The following NELL1 variants were observed in gnomAD, a reference collection of about 807,000 sequenced individuals.
NELL1 encodes protein kinase C-binding protein NELL1.
Under a neutral mutation model 107.4 loss-of-function variants are expected in NELL1, and 76 were observed. The ratio of observed to expected loss-of-function variants is 0.71; its 90% CI spans 0.59 to 0.86. NELL1 has a LOEUF of 0.86. Among genes scored for constraint, NELL1 ranks in the 40% least tolerant of loss-of-function variants. The pLI, the probability that NELL1 is intolerant of heterozygous loss-of-function variation, is 0.00. For missense variants in NELL1, 1,024 were observed against 1,005.5 expected (o/e 1.02, Z -0.25); for synonymous variants, 353 against 341.2 (o/e 1.03, Z -0.38).
At chr11:21,029,249 A>G (rs192534628) in intron 12 of NELL1, among the ~76,000 whole-genome samples, 7 of 152,320 alleles carry the variant, frequency 4.6e-5, no homozygotes, top group African/African-American at 1.7e-4. Flanking sequence ...TTCTTAGGCC[A>G]TATTTAGTTC....
intron 2 of NELL1, among the ~76,000 whole-genome samples, chr11:20,747,614 C>A (rs1393119252): frequency 6.6e-6 from 1 of 152,190 alleles, no homozygotes; most frequent in Admixed American, 6.5e-5. Flanking sequence ...ACCCTTATCA[C>A]CTAGTCACTT....
At chr11:20,962,150 C>A (rs1013951254) in intron 12 of NELL1, among the ~76,000 whole-genome samples, 1 of 151,836 alleles carries the variant, frequency 6.6e-6, no homozygotes, top group Admixed American at 6.6e-5. Flanking sequence ...TGCTTATGAA[C>A]CTTTTCATCT....
chr11:20,672,969 A>C (rs1420671678), intron 1 of NELL1, among the ~76,000 whole-genome samples: 26 of 28,792 alleles, frequency 9.0e-4, no homozygotes, highest in Admixed American at 1.4e-3. Flanking sequence ...CTCCTGCCTC[A>C]GCCCCCCCCC....
chr11:21,209,661 G>C (rs1857459971), intron 13 of NELL1, among the ~76,000 whole-genome samples: 1 of 151,992 alleles, frequency 6.6e-6, no homozygotes, highest in Non-Finnish European at 1.5e-5. Flanking sequence ...TATCTTAAGT[G>C]TATTTTCAGA....
chr11:20,853,199 C>T (rs76562138), intron 4 of NELL1, among the ~76,000 whole-genome samples: 4,580 of 152,052 alleles, frequency 0.03, 86 homozygotes, highest in Middle Eastern at 0.055. Flanking sequence ...TAAGTAGTAT[C>T]GAGTTGGTAG....
chr11:20,816,572 G>T (rs1329717422), intron 3 of NELL1, among the ~76,000 whole-genome samples: 1 of 152,030 alleles, frequency 6.6e-6, no homozygotes, highest in Non-Finnish European at 1.5e-5. Context: ...TTCTAGGTAT[G>T]GAATCGTGTT....
At chr11:20,846,498 G>A (rs76445802) in intron 3 of NELL1, among the ~76,000 whole-genome samples, 3,453 of 152,146 alleles carry the variant, frequency 0.023, 120 homozygotes, top group African/African-American at 0.08. Context: ...TAGGCTAATC[G>A]CTCTGGAGTT....
intron 14 of NELL1, among the ~76,000 whole-genome samples, chr11:21,353,566 T>C (rs1317722241): frequency 6.6e-6 from 1 of 152,204 alleles, no homozygotes; most frequent in East Asian, 1.9e-4. Flanking sequence ...GCCCATGTTG[T>C]AGATGAGATA....
intron 2 of NELL1, among the ~76,000 whole-genome samples, chr11:20,681,269 A>G (rs1030200939): frequency 1.3e-5 from 2 of 152,124 alleles, no homozygotes; most frequent in African/African-American, 2.4e-5. Flanking sequence ...ATAAATAGCA[A>G]GAAGAAATCA....
chr11:21,139,869 C>T (rs1253064646), intron 13 of NELL1, among the ~76,000 whole-genome samples: 3 of 152,162 alleles, frequency 2.0e-5, no homozygotes, highest in African/African-American at 7.2e-5. Flanking sequence ...GGCACAGCAA[C>T]ACAAGGATGT....
intron 7 of NELL1, chr11:20,927,092 A>G: frequency 3.9e-6 from 2 of 507,480 alleles, no homozygotes; most frequent in Admixed American, 3.9e-5. Flanking sequence ...TTTGGTATTC[A>G]TTAGACCATG....
rs117800835 is a variant in NELL1, at chr11:21,144,122, A to G, written c.1426+30408A>G. Among the ~76,000 whole-genome samples, 1,447 of 152,288 alleles carry G rather than the reference A, an allele frequency of 9.5e-3. 63 individuals carry two copies. The East Asian group carries it at 0.11, about 12-fold the overall frequency. On this transcript the variant is annotated intron_variant, in intron 13 of 19. Coordinates refer to ENST00000357134, the MANE Select transcript of NELL1 (RefSeq NM_006157.5). ...ACGATGGTGGAGCATTAGTTTCTGG[A>G]GAGTTTCTGGGGAGAAGGTGTTAGT...
intron 13 of NELL1, among the ~76,000 whole-genome samples, chr11:21,164,357 A>T (rs1176734031): frequency 6.6e-6 from 1 of 152,200 alleles, no homozygotes; most frequent in African/African-American, 2.4e-5. Flanking sequence ...AGAAGAAGTT[A>T]GTGGAATACC....
chr11:20,824,154 A>G (rs1857821824), intron 3 of NELL1, among the ~76,000 whole-genome samples: 1 of 151,100 alleles, frequency 6.6e-6, no homozygotes, highest in Non-Finnish European at 1.5e-5. Flanking sequence ...CTGGCTTTAT[A>G]AGGGGCTTTC....
chr11:21,466,787 T>A (rs1423520369), intron 15 of NELL1, among the ~76,000 whole-genome samples: 1 of 151,850 alleles, frequency 6.6e-6, no homozygotes. Flanking sequence ...TTGTAGTGAC[T>A]AGTGGGGGTA....
At chr11:21,133,922 C>T (rs997084710) in intron 13 of NELL1, among the ~76,000 whole-genome samples, 1 of 152,240 alleles carries the variant, frequency 6.6e-6, no homozygotes, top group Non-Finnish European at 1.5e-5. Flanking sequence ...TCTGCCTGTT[C>T]CCAGCTCTTG....
At chr11:21,331,380 A>G (rs1177493179) in intron 14 of NELL1, among the ~76,000 whole-genome samples, 3 of 151,586 alleles carry the variant, frequency 2.0e-5, no homozygotes, top group Non-Finnish European at 4.4e-5. Context: ...ATTTGTTTGC[A>G]TGCTTATTTG....
intron 13 of NELL1, among the ~76,000 whole-genome samples, chr11:21,209,341 A>G (rs1857452239): frequency 6.7e-6 from 1 of 148,562 alleles, no homozygotes; most frequent in Admixed American, 6.8e-5. Flanking sequence ...TTATATATAT[A>G]TATATATAAA....
intron 1 of NELL1, among the ~76,000 whole-genome samples, chr11:20,670,867 C>T (rs7946984): frequency 0.066 from 10,070 of 152,298 alleles, 407 homozygotes; most frequent in Non-Finnish European, 0.082. Context: ...TCTTTAGAGG[C>T]GTGGCCTTCT....
Sources: allele counts gnomAD v4.1 joint callset (sites outside exome capture counted in the v4.1 genomes callset), GRCh38; gene constraint gnomAD v4.1.1; transcripts MANE v1.5; gene names NCBI Gene and HGNC (gene_info 2026-07-23, HGNC 2026-07-21).